RTL9: variants seen among roughly 807,000 people sequenced by gnomAD.
RTL9 encodes the protein retrotransposon Gag like 9.
In RTL9, 19 loss-of-function variants were observed where a neutral mutation model predicts 44.7. The ratio of observed to expected loss-of-function variants is 0.42; its 90% CI spans 0.30 to 0.62. RTL9 has a LOEUF of 0.62. RTL9 is among the 20% of genes least tolerant of loss of function. The pLI is 0.16. For synonymous variants in RTL9, 407 were observed against 398.9 expected (o/e 1.02, Z -0.24); for missense variants, 1,105 against 1,080.6 (o/e 1.02, Z -0.32).
intron 1 of RTL9, among the ~76,000 whole-genome samples, chrX:110,395,774 C>G (rs1056080001): frequency 9.0e-6 from 1 of 110,948 alleles, no homozygotes; most frequent in Non-Finnish European, 1.9e-5. Flanking sequence ...GATGGGGGAC[C>G]TACATGAGTT....
intron 1 of RTL9, among the ~76,000 whole-genome samples, chrX:110,399,462 C>A (rs914815283): frequency 4.5e-5 from 5 of 112,268 alleles, no homozygotes; most frequent in Non-Finnish European, 9.4e-5. Flanking sequence ...GGTCCCACTG[C>A]TTTGATTAAG....
At position 110,408,170 on chromosome X, in the gene RTL9, G is replaced by T. The variant is rs768725651; in HGVS notation, c.-167-36983G>T. On this transcript the variant is annotated intron_variant, in intron 1 of 2. Transcript: ENST00000520821. Reference sequence around the variant, plus strand: ...CCCAGCCTAGCTGAACTGAGCAGGAGCAGGTGAGGCTTAGGAGTCCTGCCA... The same window carrying T: ...CCCAGCCTAGCTGAACTGAGCAGGATCAGGTGAGGCTTAGGAGTCCTGCCA... Among the ~76,000 whole-genome samples, 12 of 112,749 alleles carry T rather than the reference G, an allele frequency of 1.1e-4. No individual in the cohort carries two copies. The East Asian group carries it at 2.5e-3, about 24-fold the overall frequency.
chrX:110,426,675 G>A (rs1256912566), intron 1 of RTL9: 3 of 111,966 alleles, frequency 2.7e-5, no homozygotes, highest in Admixed American at 1.9e-4. Context: ...AATTCCAGAG[G>A]AGCAGGCTTC....
At chrX:110,385,596 A>G (rs1490056351) in intron 1 of RTL9, among the ~76,000 whole-genome samples, 1 of 112,001 alleles carries the variant, frequency 8.9e-6, no homozygotes. Context: ...TGGACATTTT[A>G]TATAAATGAA....
chrX:110,438,402 C>G (rs1300196403), intron 1 of RTL9, among the ~76,000 whole-genome samples: 2 of 111,863 alleles, frequency 1.8e-5, no homozygotes, highest in African/African-American at 6.5e-5. Context: ...CAAGACAGGA[C>G]TTGGATTATT....
At chrX:110,435,553 T>C (rs1008036653) in intron 1 of RTL9, among the ~76,000 whole-genome samples, 3 of 112,131 alleles carry the variant, frequency 2.7e-5, no homozygotes, top group African/African-American at 9.7e-5. Flanking sequence ...AAGTTAGGCA[T>C]GAGAGTTTTA....
chrX:110,422,098 A>C, intron 1 of RTL9, among the ~76,000 whole-genome samples: 1 of 113,108 alleles, frequency 8.8e-6, no homozygotes, highest in Admixed American at 9.3e-5. Context: ...AAATCAGAGA[A>C]CACACCCAGA....
At chrX:110,452,020 C>A in exon 1 of RTL9, 1 of 1,211,783 alleles carries the variant, frequency 8.3e-7, no homozygotes. Flanking sequence ...GCACAGTTAA[C>A]AATGGCCAAA....
intron 1 of RTL9, among the ~76,000 whole-genome samples, chrX:110,404,098 C>T (rs1224767754): frequency 8.9e-6 from 1 of 112,658 alleles, no homozygotes; most frequent in African/African-American, 3.2e-5. Context: ...TTCTTTCTTA[C>T]ATCTAAACTA....
Position 110,442,615 on chromosome X carries a change from A to G in RTL9, c.-167-2538A>G, listed in dbSNP as rs761243757. Among the ~76,000 whole-genome samples the G allele has an allele frequency of 3.6e-5, 4 of 111,993 alleles. No individual in the cohort carries two copies. In the East Asian group the frequency reaches 1.1e-3, roughly 31 times the overall value. On this transcript the variant is annotated intron_variant, in intron 1 of 3. Coordinates refer to the RTL9 transcript ENST00000465301. ...AAAGTCAGAATTAAATAGAGACTTC[A>G]GTGAACTTGAGTACTTCATTCCTTT...
At chrX:110,453,007 T>G (rs1466028420) in exon 1 of RTL9, 2 of 1,211,222 alleles carry the variant, frequency 1.7e-6, no homozygotes, top group Non-Finnish European at 1.1e-6. Context: ...TCCCTACCAC[T>G]AATGAGAGCT....
chrX:110,389,505 T>A (rs2068480236), intron 1 of RTL9, among the ~76,000 whole-genome samples: 2 of 112,533 alleles, frequency 1.8e-5, no homozygotes, highest in Admixed American at 1.9e-4. Context: ...ATCATCCCTT[T>A]GCAAATGGTA....
chrX:110,438,671 T>C (rs1292374201), intron 1 of RTL9, among the ~76,000 whole-genome samples: 1 of 111,321 alleles, frequency 9.0e-6, no homozygotes, highest in Non-Finnish European at 1.9e-5. Context: ...TAAGGTGGAA[T>C]TCCTGTCTTG....
At chrX:110,452,309 A>G (rs779595292) in exon 1 of RTL9, 4 of 1,211,462 alleles carry the variant, frequency 3.3e-6, no homozygotes, top group Non-Finnish European at 4.5e-6. Context: ...TGACATCTGC[A>G]GCACAGATGA....
At position 110,394,320 on chromosome X, in the gene RTL9, G is replaced by A. The variant is rs1301583095; in HGVS notation, c.-168+35404G>A. 4.5e-5 allele frequency among the ~76,000 whole-genome samples: 5 copies of A among 110,910 alleles called. No individual in the cohort carries two copies. The East Asian group carries it at 1.1e-3, about 25-fold the overall frequency. ...GGCTGGAGTGCAGTGGCGCAATCAC[G>A]GCTCACTGCAGCCTCAACCTCCCAG... On this transcript the variant is annotated intron_variant, in intron 1 of 2. Transcript: ENST00000520821.
chrX:110,417,908 C>T (rs761454969), upstream of RTL9, among the ~76,000 whole-genome samples: 1 of 112,621 alleles, frequency 8.9e-6, no homozygotes, highest in South Asian at 3.7e-4. Context: ...CCAGGTCATT[C>T]CAGTCCACCA....
chrX:110,430,755 T>C (rs914221441), intron 1 of RTL9, among the ~76,000 whole-genome samples: 1 of 112,386 alleles, frequency 8.9e-6, no homozygotes, highest in Non-Finnish European at 1.9e-5. Context: ...GAATTACAGC[T>C]CTTTGAAATG....
chrX:110,393,083 G>A (rs2068505673), intron 1 of RTL9, among the ~76,000 whole-genome samples: 1 of 111,296 alleles, frequency 9.0e-6, no homozygotes, highest in South Asian at 4.0e-4. Context: ...GTCCCTCTTG[G>A]GCCTGCTTCC....
chrX:110,371,371 C>T (rs2068337633), intron 1 of RTL9, among the ~76,000 whole-genome samples: 1 of 111,955 alleles, frequency 8.9e-6, no homozygotes, highest in Non-Finnish European at 1.9e-5. Flanking sequence ...TATCCATACC[C>T]TCAAGCATTT....
Sources: allele counts gnomAD v4.1 joint callset (sites outside exome capture counted in the v4.1 genomes callset), GRCh38; gene constraint gnomAD v4.1.1; transcripts MANE v1.5; gene names NCBI Gene and HGNC (gene_info 2026-07-23, HGNC 2026-07-21).